Variants in PUDP observed in about 807,000 individuals in gnomAD.
PUDP encodes pseudouridine-5'-phosphatase.
Under a neutral mutation model 9.4 loss-of-function variants are expected in PUDP, and 8 were observed. That is an observed-to-expected ratio of 0.85 (90% confidence interval 0.50 to 1.53). The LOEUF is 1.53. Ranked by LOEUF, PUDP falls within the 40% of genes most tolerant of loss-of-function variation. PUDP has a pLI of 0.00. For synonymous variants in PUDP, 99 were observed against 80.7 expected, an observed-to-expected ratio of 1.23 and a Z score of -1.22; for missense variants, 188 against 189.7, an observed-to-expected ratio of 0.99 and a Z score of 0.05.
At chrX:7,102,317 CAA>C (rs201420593) in intron 2 of PUDP, among the ~76,000 whole-genome samples, 18,046 of 56,198 alleles carry the variant, frequency 0.32, 1,622 homozygotes, top group Admixed American at 0.47. Context: ...AATAAGGAAC[CAA>C]AAAAAAAAAA....
At chrX:6,937,170 C>T (rs1327595038) in intron 3 of PUDP, among the ~76,000 whole-genome samples, 24 of 74,763 alleles carry the variant, frequency 3.2e-4, no homozygotes, top group South Asian at 8.4e-4. Context: ...GCCCGCATCG[C>T]CAAGTCAATC....
intron 3 of PUDP, among the ~76,000 whole-genome samples, chrX:6,852,088 A>G (rs746978740): frequency 8.9e-6 from 1 of 112,230 alleles, no homozygotes; most frequent in African/African-American, 3.2e-5. Context: ...AGAAAGTAAC[A>G]ACCTGTACAG....
At chrX:7,043,972 A>C (rs1418440752), downstream of PUDP, among the ~76,000 whole-genome samples, 1 of 112,540 alleles carries the variant, frequency 8.9e-6, no homozygotes, top group African/African-American at 3.2e-5. Flanking sequence ...ACTGTGGCTG[A>C]AAATGCATGC....
At chrX:6,976,971 C>T (rs1602698601) in intron 3 of PUDP, among the ~76,000 whole-genome samples, 2 of 112,259 alleles carry the variant, frequency 1.8e-5, no homozygotes, top group Non-Finnish European at 3.8e-5. Flanking sequence ...CCTTGCAAAA[C>T]AGGGAAGGTT....
intron 1 of PUDP, among the ~76,000 whole-genome samples, chrX:7,037,064 C>T (rs1305857407): frequency 2.7e-5 from 3 of 111,582 alleles, no homozygotes; most frequent in Non-Finnish European, 5.6e-5. Context: ...TTTAAAGGCC[C>T]CCGGCTGGCT....
chrX:6,741,748 A>AT (rs919120267), intron 3 of PUDP, among the ~76,000 whole-genome samples: 3 of 110,466 alleles, frequency 2.7e-5, no homozygotes, highest in Non-Finnish European at 3.8e-5. Flanking sequence ...TTTTTATGCC[A>AT]TTTTTTCTCC....
At chrX:6,735,552 C>T (rs779822151) in intron 3 of PUDP, among the ~76,000 whole-genome samples, 1 of 112,185 alleles carries the variant, frequency 8.9e-6, no homozygotes, top group Non-Finnish European at 1.9e-5. Context: ...TAAATTCAGA[C>T]ATAGAAGCTA....
chrX:7,108,916 C>T (rs753565431), intron 1 of PUDP, among the ~76,000 whole-genome samples: 1 of 112,139 alleles, frequency 8.9e-6, no homozygotes, highest in South Asian at 3.7e-4. Flanking sequence ...CTCCACCGTT[C>T]TGGATACTGC....
intron 1 of PUDP, among the ~76,000 whole-genome samples, chrX:7,114,149 A>T (rs1167538258): frequency 1.8e-5 from 2 of 111,250 alleles, no homozygotes; most frequent in Non-Finnish European, 3.8e-5. Flanking sequence ...ATCTCAGCTC[A>T]CTGAAACCTC....
intron 3 of PUDP, among the ~76,000 whole-genome samples, chrX:6,901,819 G>A (rs945601743): frequency 1.8e-5 from 2 of 112,448 alleles, no homozygotes; most frequent in African/African-American, 3.2e-5. Context: ...CCAGGAAAAT[G>A]TAACTGGTTT....
intron 3 of PUDP, among the ~76,000 whole-genome samples, chrX:6,846,341 C>T (rs1926747530): frequency 9.6e-6 from 1 of 103,684 alleles, no homozygotes; most frequent in Non-Finnish European, 1.9e-5. Context: ...ACCCGAGAGG[C>T]GGAGCTTGCA....
chrX:7,047,995 T>C (rs924995578), downstream of PUDP, among the ~76,000 whole-genome samples: 1 of 112,230 alleles, frequency 8.9e-6, no homozygotes, highest in African/African-American at 3.2e-5. Context: ...CTCCTATTCC[T>C]TAGAATGCCG....
At chrX:6,989,521 C>A in intron 1 of PUDP, 1 of 156,167 alleles carries the variant, frequency 6.4e-6, no homozygotes, top group South Asian at 1.5e-4. Flanking sequence ...GGAGTCCACT[C>A]TTCATCATGT....
intron 3 of PUDP, among the ~76,000 whole-genome samples, chrX:6,824,019 T>C (rs1449962803): frequency 8.9e-6 from 1 of 112,174 alleles, no homozygotes; most frequent in Admixed American, 9.4e-5. Context: ...GCAAGGACTT[T>C]ACGACCTGTG....
At chrX:7,104,024 G>A (rs1224381867) in intron 2 of PUDP, among the ~76,000 whole-genome samples, 1 of 111,926 alleles carries the variant, frequency 8.9e-6, no homozygotes, top group Admixed American at 9.4e-5. Context: ...ATTACCATGG[G>A]ATCCAGCAAT....
intron 1 of PUDP, among the ~76,000 whole-genome samples, chrX:7,144,997 T>A (rs759496807): frequency 1.6e-3 from 180 of 110,798 alleles, no homozygotes; most frequent in Non-Finnish European, 3.0e-3. Context: ...TCAACAGACA[T>A]CTTGGGTTGC....
chrX:6,751,133 A>C (rs189172329), intron 3 of PUDP, among the ~76,000 whole-genome samples: 1,117 of 108,266 alleles, frequency 0.01, 15 homozygotes, highest in African/African-American at 0.034. Flanking sequence ...CAGAGTGAGA[A>C]TCCGTCTAAA....
intron 3 of PUDP, among the ~76,000 whole-genome samples, chrX:6,805,976 G>A (rs1217055911): frequency 9.0e-6 from 1 of 111,718 alleles, no homozygotes; most frequent in Non-Finnish European, 1.9e-5. Context: ...CACGCAGATT[G>A]TGAAGGGAAA....
intron 2 of PUDP, among the ~76,000 whole-genome samples, chrX:7,104,918 C>G (rs1931836301): frequency 9.0e-6 from 1 of 111,560 alleles, no homozygotes; most frequent in African/African-American, 3.3e-5. Context: ...TTTTTTCTCC[C>G]CTAGCACCAG....
Sources: allele counts gnomAD v4.1 joint callset (sites outside exome capture counted in the v4.1 genomes callset), GRCh38; gene constraint gnomAD v4.1.1; transcripts MANE v1.5; gene names NCBI Gene and HGNC (gene_info 2026-07-23, HGNC 2026-07-21).